Variants in TTN observed in about 807,000 individuals in gnomAD.
The protein encoded by TTN is titin.
TTN carries 1,525 observed loss-of-function variants against 3,223.0 expected under a neutral mutation model. That is an observed-to-expected ratio of 0.47 (90% CI 0.45 to 0.49). TTN has a LOEUF of 0.49. Ranked by LOEUF, TTN falls within the 20% of genes least tolerant of loss-of-function variation. TTN has a pLI of 0.00. For missense variants in TTN, 40,786 were observed against 43,424.0 expected (o/e 0.94, Z 5.40); for synonymous variants, 14,094 against 15,161.0 (o/e 0.93, Z 5.17).
intron 350 of TTN, 34 bp from the exon 351 acceptor site, chr2:178,540,404 T>G: frequency 6.5e-7 from 1 of 1,545,456 alleles, no homozygotes; most frequent in South Asian, 1.2e-5. Context: ...CTGGTTAAAG[T>G]TGCTGCAAAG....
Position 178,723,612 on chromosome 2 carries a change from G to T in TTN, c.21488C>A (p.Thr7163Asn), listed in dbSNP as rs370324138. ...GAACCAGTTGACTTTGAATGGAGGG[G>T]TTCCTCTAATAACGCTTGTGAAGGT... is the stretch of plus-strand genomic sequence containing the variant. ...NVTFTSVIRGTPPFKVNWFRG... is the reference protein window; with the variant it reads ...NVTFTSVIRGNPPFKVNWFRG... Residue 7163 changes from threonine to asparagine, a missense_variant, in exon 74 of 363, where the codon ACC (threonine) becomes AAC (asparagine). Transcript: ENST00000589042. 18 of 1,613,038 alleles carry T rather than the reference G, an allele frequency of 1.1e-5. No individual in the cohort carries two copies. The highest frequency in any genetic ancestry group is 1.4e-5 in the Non-Finnish European group (16 of 1,179,466).
chr2:178,641,420 A>C, intron 219 of TTN, 105 bp from the exon 220 acceptor site: 1 of 704,740 alleles, frequency 1.4e-6, no homozygotes, highest in South Asian at 1.8e-5. Flanking sequence ...AATGAAAAAA[A>C]GCATGCTACC....
Position 178,545,403 on chromosome 2 carries a change from A to G in TTN, c.95707T>C (p.Cys31903Arg). 1 of 1,579,572 alleles carries G rather than the reference A, an allele frequency of 6.3e-7. No homozygotes were observed. The highest frequency in any genetic ancestry group is 8.6e-7 in the Non-Finnish European group (1 of 1,159,374). ...EPSEASNFIS[C>R]REPSYTPGPP... ...TGGAGCTCACATGATGGTTCTCTGCATGAGATGAAGTTGGAAGCTTCGCTG... is the reference window on the plus strand; with the variant it reads ...TGGAGCTCACATGATGGTTCTCTGCGTGAGATGAAGTTGGAAGCTTCGCTG... The change falls in exon 344 of 363, where the codon TGC (cysteine) becomes CGC (arginine). Residue 31903 changes from cysteine (C) to arginine (R), a missense_variant. Cys to Arg is a radical substitution (Grantham distance 180). Transcript: ENST00000589042.
chr2:178,536,568 T>G lies in TTN; in HGVS notation c.100179A>C (p.Pro33393=). Residue 33393 remains proline (P), a synonymous_variant, in exon 357 of 363, where the codon CCA becomes CCC. Transcript: ENST00000589042. ...VVIIKSPFEK[P]GAPGKPTITA... is the part of the protein sequence containing the mutation. The stretch of plus-strand genomic sequence containing the variant: ...TAATAGTTGGTTTGCCAGGAGCACC[T>G]GGCTTTTCTATTAAACAAAAAAAAG... The G allele has an allele frequency of 6.7e-7, 1 of 1,493,284 alleles. No homozygotes were observed. The highest frequency in any genetic ancestry group is 8.9e-7 in the Non-Finnish European group (1 of 1,127,692). The allele number at this position is 1,493,284 out of a possible 1,614,324, so 92.5% of individuals were successfully genotyped here. A position where few individuals can be genotyped will look rare whatever the true frequency, so the allele number is the denominator to read the frequency against.
At position 178,739,637 on chromosome 2, in the gene TTN, A is replaced by C; in HGVS notation, c.13596T>G (p.Thr4532=). 1 of 1,613,914 alleles carries C rather than the reference A, an allele frequency of 6.2e-7. No individual in the cohort carries two copies. The highest frequency in any genetic ancestry group is 2.2e-5 in the East Asian group (1 of 44,846). The change falls in exon 48 of 363, where the codon ACT becomes ACG. Residue 4532 remains threonine, a synonymous_variant. Coordinates refer to ENST00000589042, the MANE Select transcript of TTN (RefSeq NM_001267550.2). ...GCACGTTAAAATAACTGACCTCTTCAGTTGAGATCAGATATTTAGATTCAA... is the reference window on the plus strand; with the variant it reads ...GCACGTTAAAATAACTGACCTCTTCCGTTGAGATCAGATATTTAGATTCAA... ...PEVESKYLIS[T]EEVSYFNVQS...
rs397517732 is a variant in TTN, at chr2:178,560,937, C to T, written c.85195G>A (p.Glu28399Lys). 46 of 1,613,706 alleles carry T rather than the reference C, an allele frequency of 2.9e-5. No homozygotes were observed. Among genetic ancestry groups the T allele is most frequent in the Non-Finnish European group, 3.6e-5 (43 of 1,179,814 alleles). The stretch of plus-strand genomic sequence containing the variant: ...ATGATTTCTGTTCTTGCTCTTTCTT[C>T]AATTTCTATACCATCCTTGGCCCAG... ...ISWAKDGIEIEERARTEIIST... is the reference protein window; with the variant it reads ...ISWAKDGIEIKERARTEIIST... The change falls in exon 326 of 363, where the codon GAA becomes AAA. Residue 28399 changes from glutamate to lysine, a missense_variant. Glu to Lys is a moderately conservative substitution (Grantham distance 56, BLOSUM62 1). Transcript: ENST00000589042.
rs1559368995 is a variant in TTN, at chr2:178,568,225, G to GT, written c.77906dup (p.Asn25969LysfsTer12). The GT allele has an allele frequency of 6.2e-7, 1 of 1,613,440 alleles. No individual in the cohort carries two copies. Among genetic ancestry groups the GT allele is most frequent in the Admixed American group, 1.7e-5 (1 of 59,972 alleles). On this transcript the variant is annotated frameshift_variant, in exon 326 of 363. Transcript: ENST00000589042. LOFTEE classifies it high-confidence loss of function. ...CTAAGGCAAAGCTTTGTCCATATCT[G>GT]TTTTCGGCAAATATTCTAAATTGGT... is the stretch of plus-strand genomic sequence containing the variant.
At position 178,711,164 on chromosome 2, in the gene TTN, G is replaced by A. The variant is rs1266271972; in HGVS notation, c.28072C>T (p.Leu9358Phe). The part of the protein sequence containing the change: ...QTSFLDNTAT[L>F]NIFKTDRSLA... ...CTCCGGTCAGTTTTAAAAATATTGA[G>A]TGTGGCTGTATTGTCTAAAAATGAT... The change falls in exon 97 of 363, where the codon CTC (leucine) becomes TTC (phenylalanine). Residue 9358 changes from leucine (L) to phenylalanine (F), a missense_variant. Coordinates refer to ENST00000589042, the MANE Select transcript of TTN (RefSeq NM_001267550.2). 6.2e-7 allele frequency: 1 copy of A among 1,613,860 alleles called. No homozygotes were observed. The highest frequency in any genetic ancestry group is 2.2e-5 in the East Asian group (1 of 44,884).
At chr2:178,792,355 T>TCC (rs1290164723) in intron 9 of TTN, among the ~76,000 whole-genome samples, 158 bp from the exon 10 acceptor site, 32 of 152,336 alleles carry the variant, frequency 2.1e-4, no homozygotes, top group Admixed American at 7.2e-4. Flanking sequence ...ATAAATAAGA[T>TCC]CATGCTCTTT....
rs2067139986 is a variant in TTN, at chr2:178,672,270, G to A, written c.34931-3C>T. ...TTTTTCTTCAAGGACAGTTCTCCCT[G>A]AAAGAGCATCTATTTTAAGACTTAT... is the stretch of plus-strand genomic sequence containing the variant. On this transcript the variant is annotated splice_region_variant and splice_polypyrimidine_tract_variant and intron_variant, in intron 154 of 362. Coordinates refer to ENST00000589042, the MANE Select transcript of TTN (RefSeq NM_001267550.2). The A allele has an allele frequency of 1.9e-6, 3 of 1,587,122 alleles. No homozygotes were observed. The highest frequency in any genetic ancestry group is 2.6e-6 in the Non-Finnish European group (3 of 1,165,678).
chr2:178,547,622 T>G lies in TTN; in HGVS notation c.94004A>C (p.Asp31335Ala). ...ATTAGTAATTTCAGTGCCTCCTCCATCTTTAGGTTCTCCCCATGACAGGAC... is the reference window on the plus strand; with the variant it reads ...ATTAGTAATTTCAGTGCCTCCTCCAGCTTTAGGTTCTCCCCATGACAGGAC... ...SCVLSWGEPK[D>A]GGGTEITNYI... The change falls in exon 339 of 363, where the codon GAT becomes GCT. Residue 31335 changes from aspartate to alanine, a missense_variant. Coordinates refer to ENST00000589042, the MANE Select transcript of TTN (RefSeq NM_001267550.2). 2 of 1,613,890 alleles carry G rather than the reference T, an allele frequency of 1.2e-6. No homozygotes were observed. Among genetic ancestry groups the G allele is most frequent in the South Asian group, 2.2e-5 (2 of 91,086 alleles).
Position 178,679,925 on chromosome 2 carries a change from C to T in TTN, c.33549G>A (p.Glu11183=). Residue 11183 remains glutamate (E), a synonymous_variant, in exon 140 of 363, where the codon GAG becomes GAA. Transcript: ENST00000589042. ...CTGGTATCACTGGCACCACTTCTTC[C>T]TCAGTTATGAACTCCTCTTCTTCAT... is the stretch of plus-strand genomic sequence containing the variant. The part of the protein sequence containing the change: ...YIHEEEEFIT[E]EEVVPVIPVK... The T allele has an allele frequency of 6.2e-7, 1 of 1,613,166 alleles. No homozygotes were observed. Among genetic ancestry groups the T allele is most frequent in the Non-Finnish European group, 8.5e-7 (1 of 1,179,384 alleles).
At position 178,559,355 on chromosome 2, in the gene TTN, C is replaced by T. The variant is rs1441930983; in HGVS notation, c.86777G>A (p.Gly28926Asp). The change falls in exon 326 of 363, where the codon GGT becomes GAT. Residue 28926 changes from glycine (G) to aspartate (D), a missense_variant. Coordinates refer to ENST00000589042, the MANE Select transcript of TTN (RefSeq NM_001267550.2). ...CTTTGTTTCAGCTGGTATACCAACACCAAACTCATTTTCTCCAGAGACTCT... is the reference window on the plus strand; with the variant it reads ...CTTTGTTTCAGCTGGTATACCAACATCAAACTCATTTTCTCCAGAGACTCT... ...YFRVSGENEF[G>D]VGIPAETKEG... The T allele has an allele frequency of 6.2e-7, 1 of 1,612,204 alleles. No homozygotes were observed. Among genetic ancestry groups the T allele is most frequent in the East Asian group, 2.2e-5 (1 of 44,864 alleles).
rs1357077024 is a variant in TTN, at chr2:178,684,696, T to A, written c.32608A>T (p.Ile10870Phe). 9.3e-6 allele frequency: 15 copies of A among 1,613,058 alleles called. No homozygotes were observed. The highest frequency in any genetic ancestry group is 1.3e-5 in the Non-Finnish European group (15 of 1,179,636). ...VPEKKVPPKV[I>F]KMEEPLPAKV... ...GCTGGGAGAGGTTCTTCCATCTTAA[T>A]GACTTTTGGAGGAACCTTTTTTTCT... is the stretch of plus-strand genomic sequence containing the variant. The change falls in exon 131 of 363, where the codon ATT becomes TTT. Residue 10870 changes from isoleucine to phenylalanine, a missense_variant. Physicochemically the swap from Ile to Phe is conservative, Grantham distance 21 (BLOSUM62 0). Transcript: ENST00000589042.
At position 178,706,489 on chromosome 2, in the gene TTN, C is replaced by T; in HGVS notation, c.29385G>A (p.Glu9795=). The T allele has an allele frequency of 6.2e-7, 1 of 1,613,586 alleles. No individual in the cohort carries two copies. The highest frequency in any genetic ancestry group is 8.5e-7 in the Non-Finnish European group (1 of 1,179,690). Residue 9795 remains glutamate (E), a synonymous_variant, in exon 102 of 363, where the codon GAG becomes GAA. Transcript: ENST00000589042. ...TTGCTCTAAGATCGCCTTCAATTTT[C>T]TCTTGTTTCTTCCTTTCATCCACCT... ...NLQVDERKKQ[E]KIEGDLRAML... is the part of the protein sequence containing the mutation.
chr2:178,778,119 C>A, intron 24 of TTN, 144 bp from the exon 25 acceptor site: 1 of 1,017,102 alleles, frequency 9.8e-7, no homozygotes. Flanking sequence ...TCATTCAGAT[C>A]TAAAATAGAA....
In TTN at chr2:178,532,398, A is replaced by G. The variant is rs763396867; in HGVS notation, c.104217T>C (p.Ala34739=). The G allele has an allele frequency of 6.2e-7, 1 of 1,613,918 alleles. No individual in the cohort carries two copies. The highest frequency in any genetic ancestry group is 8.5e-7 in the Non-Finnish European group (1 of 1,179,872). ...STYHIPTKAE[A]STSYAELRER... ...CCCTCAGTTCTGCATAACTTGTACT[A>G]GCTTCAGCCTTCGTTGGGATGTGAT... Residue 34739 remains alanine (A), a synonymous_variant, in exon 358 of 363, where the codon GCT becomes GCC. Coordinates refer to ENST00000589042, the MANE Select transcript of TTN (RefSeq NM_001267550.2).
chr2:178,601,924 A>G lies in TTN; in HGVS notation c.55270-10T>C, dbSNP rs774170779. On this transcript the variant is annotated splice_polypyrimidine_tract_variant and intron_variant, in intron 284 of 362. Coordinates refer to ENST00000589042, the MANE Select transcript of TTN (RefSeq NM_001267550.2). ...TGTCATGAACTCCATCCTATTAGAAAAGGAGACAGTCAGTTGTAGTATAAA... is the reference window on the plus strand; with the variant it reads ...TGTCATGAACTCCATCCTATTAGAAGAGGAGACAGTCAGTTGTAGTATAAA... The G allele has an allele frequency of 2.6e-5, 42 of 1,612,460 alleles. No individual in the cohort carries two copies. Among genetic ancestry groups the G allele is most frequent in the Non-Finnish European group, 3.5e-5 (41 of 1,179,190 alleles).
chr2:178,790,612 G>A, intron 11 of TTN, 96 bp downstream of exon 11: 1 of 1,584,070 alleles, frequency 6.3e-7, no homozygotes, highest in Non-Finnish European at 8.7e-7. Flanking sequence ...AGAGGTGGAA[G>A]TGAAGAAGTG....
Sources: gnomAD v4.1 joint callset for allele counts (sites outside exome capture counted in the v4.1 genomes callset) on GRCh38, gnomAD v4.1.1 for gene constraint, MANE v1.5 for transcripts, NCBI Gene and HGNC (gene_info 2026-07-23, HGNC 2026-07-21) for gene names.